The following NHSL1 variants were observed in gnomAD, a reference collection of about 807,000 sequenced individuals.
NHSL1 encodes the protein NHS like 1.
A neutral mutation model predicts 95.0 loss-of-function variants in NHSL1; 48 were observed. That is an observed-to-expected ratio of 0.51 (90% CI 0.40 to 0.64). NHSL1 has a LOEUF of 0.64. Ranked by LOEUF, NHSL1 falls within the 30% of genes least tolerant of loss-of-function variation. The pLI, the probability that NHSL1 is intolerant of heterozygous loss-of-function variation, is 0.00. For missense variants in NHSL1, 1,971 were observed against 2,077.7 expected, an observed-to-expected ratio of 0.95 and a Z score of 1.00; for synonymous variants, 783 against 833.9, an observed-to-expected ratio of 0.94 and a Z score of 1.05.
intron 1 of NHSL1, among the ~76,000 whole-genome samples, chr6:138,615,262 A>T (rs990747759): frequency 6.6e-6 from 1 of 152,192 alleles, no homozygotes; most frequent in African/African-American, 2.4e-5. Flanking sequence ...TGCTTGTTCA[A>T]GGCACTCTTA....
chr6:138,585,396 A>G (rs1048949439), intron 1 of NHSL1, among the ~76,000 whole-genome samples: 1 of 152,212 alleles, frequency 6.6e-6, no homozygotes, highest in Non-Finnish European at 1.5e-5. Flanking sequence ...CTTGTGAGGC[A>G]TATTTTTCTT....
rs1449879658 is a variant in NHSL1 at position 138,650,181 on chromosome 6, G to A, written c.96+42295C>T. On this transcript the variant is annotated intron_variant, in intron 1 of 3. Coordinates refer to the NHSL1 transcript ENST00000491526. ...CCGAGATGGTCAGGCCTCACTCATGGTGGCCAGGTTAAGACTGTGTTTTTT... is the reference window on the plus strand; with the variant it reads ...CCGAGATGGTCAGGCCTCACTCATGATGGCCAGGTTAAGACTGTGTTTTTT... 1.6e-5 allele frequency: 9 copies of A among 564,720 alleles called. No individual in the cohort carries two copies. In the East Asian group the frequency reaches 4.0e-4, roughly 25 times the overall value. The allele number at this position is 564,720 out of a possible 1,614,324, so 35.0% of individuals were successfully genotyped here.
intron 1 of NHSL1, among the ~76,000 whole-genome samples, chr6:138,519,724 T>C (rs993322526): frequency 2.0e-5 from 3 of 152,194 alleles, no homozygotes; most frequent in Non-Finnish European, 4.4e-5. Context: ...TACTTAGGCA[T>C]CTCTAGCAAG....
intron 2 of NHSL1, among the ~76,000 whole-genome samples, chr6:138,475,260 C>T (rs760399913): frequency 4.5e-4 from 68 of 151,628 alleles, no homozygotes; most frequent in Non-Finnish European, 9.0e-4. Flanking sequence ...TACTCTGTCA[C>T]GCAGGCTGGA....
chr6:138,444,577 ATT>A lies in NHSL1; in HGVS notation c.532+2422_532+2423del, dbSNP rs536970644. On this transcript the variant is annotated intron_variant, in intron 4 of 7. Coordinates refer to ENST00000343505, the MANE Select transcript of NHSL1 (RefSeq NM_001144060.2). The stretch of plus-strand genomic sequence containing the variant: ...GCTGCACTCTGGATTTGAAATCGCC[ATT>A]TTTTTTTTTTTTTTCCTGCTGAGCC... 2.0e-3 allele frequency among the ~76,000 whole-genome samples: 277 copies of A among 139,668 alleles called. 3 individuals are homozygous for A. Among genetic ancestry groups the A allele is most frequent in the Middle Eastern group, 7.4e-3 (2 of 272 alleles). 91.6% of individuals were successfully genotyped at this position (139,668 alleles called of 152,430 possible).
At chr6:138,664,499 AAG>A (rs531724309) in intron 1 of NHSL1, among the ~76,000 whole-genome samples, 79 of 152,356 alleles carry the variant, frequency 5.2e-4, no homozygotes, top group Admixed American at 1.2e-3. Flanking sequence ...ACTGCCTGGA[AAG>A]AGAGGAATTG....
chr6:138,545,668 T>C (rs1161400403), exon 1 of NHSL1: 2 of 1,289,172 alleles, frequency 1.6e-6, no homozygotes, highest in African/African-American at 3.0e-5. Flanking sequence ...GGGGCTGTGC[T>C]CTGTGGTCTG....
upstream of NHSL1, among the ~76,000 whole-genome samples, chr6:138,503,478 G>T (rs569475619): frequency 6.6e-6 from 1 of 152,100 alleles, no homozygotes; most frequent in Non-Finnish European, 1.5e-5. Context: ...AACGTGAAAA[G>T]TACATGAAAT....
At chr6:138,639,597 G>A (rs1416466641) in intron 1 of NHSL1, among the ~76,000 whole-genome samples, 6 of 151,212 alleles carry the variant, frequency 4.0e-5, no homozygotes, top group Admixed American at 1.3e-4. Flanking sequence ...AGCCGAGATC[G>A]GGCCACTGCA....
At chr6:138,443,126 C>T (rs568063299) in intron 4 of NHSL1, among the ~76,000 whole-genome samples, 1 of 151,976 alleles carries the variant, frequency 6.6e-6, no homozygotes, top group East Asian at 1.9e-4. Flanking sequence ...AAGTATAAAA[C>T]ATTCACTTTT....
chr6:138,646,544 G>A (rs1344618689), intron 1 of NHSL1, among the ~76,000 whole-genome samples: 1 of 151,992 alleles, frequency 6.6e-6, no homozygotes, highest in Admixed American at 6.6e-5. Flanking sequence ...AAATGTGGTA[G>A]AATAAATCAG....
chr6:138,470,189 T>A (rs77755400), intron 3 of NHSL1, among the ~76,000 whole-genome samples: 31,914 of 152,206 alleles, frequency 0.21, 3,577 homozygotes, highest in Admixed American at 0.31. Flanking sequence ...TTGGTTCTAC[T>A]TATTTAAGAA....
upstream of NHSL1, among the ~76,000 whole-genome samples, chr6:138,548,349 A>T (rs1782883079): frequency 6.6e-6 from 1 of 152,220 alleles, no homozygotes; most frequent in Non-Finnish European, 1.5e-5. Flanking sequence ...AAAAGTAAAG[A>T]GAATCTCATT....
At position 138,526,553 on chromosome 6, in the gene NHSL1, C is replaced by A. The variant is rs76933356; in HGVS notation, c.16+19070G>T. ...CTTCCTTTTTATATTGTACTTGCCACTTCCCTGCCCTCTCTACTTTTACCC... is the reference window on the plus strand; with the variant it reads ...CTTCCTTTTTATATTGTACTTGCCAATTCCCTGCCCTCTCTACTTTTACCC... On this transcript the variant is annotated intron_variant, in intron 1 of 4. Transcript: ENST00000342260. 6.6e-5 allele frequency among the ~76,000 whole-genome samples: 10 copies of A among 152,206 alleles called. No individual in the cohort carries two copies. The Middle Eastern group carries it at 0.01, about 155-fold the overall frequency.
At chr6:138,649,785 C>T (rs1012547132) in intron 1 of NHSL1, among the ~76,000 whole-genome samples, 7 of 152,154 alleles carry the variant, frequency 4.6e-5, no homozygotes, top group Non-Finnish European at 8.8e-5. Flanking sequence ...CAGGGGATCA[C>T]GCCCTATTTA....
chr6:138,682,360 T>C (rs1002771792), intron 1 of NHSL1, among the ~76,000 whole-genome samples: 2 of 152,226 alleles, frequency 1.3e-5, no homozygotes, highest in Admixed American at 6.5e-5. Context: ...CTGTAAACAT[T>C]TGAAATCATT....
chr6:138,618,326 T>A (rs1245773333), intron 1 of NHSL1, among the ~76,000 whole-genome samples: 2 of 152,308 alleles, frequency 1.3e-5, no homozygotes, highest in East Asian at 3.9e-4. Context: ...AAAAAGCTCC[T>A]CCAACTGGTT....
At chr6:138,503,310 T>C (rs909153304), upstream of NHSL1, among the ~76,000 whole-genome samples, 2 of 152,200 alleles carry the variant, frequency 1.3e-5, no homozygotes, top group African/African-American at 4.8e-5. Context: ...GCTTCAAAGA[T>C]CTAGTCCTTA....
intron 3 of NHSL1, among the ~76,000 whole-genome samples, chr6:138,452,993 C>T (rs931461564): frequency 2.6e-5 from 4 of 152,078 alleles, no homozygotes; most frequent in African/African-American, 9.7e-5. Context: ...TCTTTTGAGA[C>T]GGAGTCTCAC....
Sources: gnomAD v4.1 joint callset for allele counts (sites outside exome capture counted in the v4.1 genomes callset) on GRCh38, gnomAD v4.1.1 for gene constraint, MANE v1.5 for transcripts, NCBI Gene and HGNC (gene_info 2026-07-23, HGNC 2026-07-21) for gene names.